KLHL24: variants seen among roughly 807,000 people sequenced by gnomAD.
KLHL24 encodes kelch-like protein 24.
A neutral mutation model predicts 53.4 loss-of-function variants in KLHL24; 29 were observed. The observed-to-expected ratio is 0.54, with a 90% confidence interval of 0.40 to 0.74. KLHL24 has a LOEUF of 0.74. KLHL24 is among the 30% of genes least tolerant of loss of function. The pLI, the probability that KLHL24 is intolerant of heterozygous loss-of-function variation, is 0.00. For synonymous variants in KLHL24, 222 were observed against 253.7 expected (o/e 0.88, Z 1.19); for missense variants, 504 against 744.0 (o/e 0.68, Z 3.75).
In KLHL24 at chr3:183,684,434, A is replaced by G. The variant is rs1372242871; in HGVS notation, c.*5148A>G. 2 of 152,606 alleles carry G rather than the reference A, an allele frequency of 1.3e-5. No individual in the cohort carries two copies. The highest frequency in any genetic ancestry group is 2.9e-5 in the Non-Finnish European group (2 of 68,020). 9.5% of individuals were successfully genotyped at this position (152,606 alleles called of 1,614,324 possible). On this transcript the variant is annotated 3_prime_UTR_variant, in exon 8 of 8. Transcript: ENST00000242810. The stretch of plus-strand genomic sequence containing the variant: ...TTTAAATATACTTCTTGCATAGTTT[A>G]ATTTTTTAAAAGTTGTATCTAATAA...
intron 5 of KLHL24, among the ~76,000 whole-genome samples, chr3:183,666,863 C>T (rs1253876556): frequency 2.0e-5 from 3 of 152,280 alleles, no homozygotes; most frequent in Middle Eastern, 3.4e-3. Flanking sequence ...TCCCTGCCCC[C>T]ATCTCCATCT....
chr3:183,653,044 C>G (rs1160194889), intron 3 of KLHL24, among the ~76,000 whole-genome samples: 1 of 152,188 alleles, frequency 6.6e-6, no homozygotes, highest in Admixed American at 6.5e-5. Flanking sequence ...AGAGATACTT[C>G]TCCTAACTTA....
At chr3:183,641,554 C>A (rs534698580) in intron 1 of KLHL24, among the ~76,000 whole-genome samples, 1 of 136,728 alleles carries the variant, frequency 7.3e-6, no homozygotes, top group East Asian at 2.3e-4. Context: ...ATATATCTTT[C>A]AAGATAAACC....
chr3:183,666,886 C>T (rs9844222), intron 5 of KLHL24, among the ~76,000 whole-genome samples: 48,257 of 151,918 alleles, frequency 0.32, 8,185 homozygotes, highest in East Asian at 0.48. Flanking sequence ...TTGTCCAAAA[C>T]CACCTCAAAT....
intron 1 of KLHL24, among the ~76,000 whole-genome samples, chr3:183,642,377 G>A (rs1209642619): frequency 6.6e-6 from 1 of 151,654 alleles, no homozygotes; most frequent in Non-Finnish European, 1.5e-5. Flanking sequence ...ACACAGTCTG[G>A]GTATACATAT....
intron 7 of KLHL24, among the ~76,000 whole-genome samples, chr3:183,675,846 G>A (rs578193982): frequency 6.9e-4 from 105 of 152,096 alleles, no homozygotes; most frequent in African/African-American, 2.3e-3. Context: ...TGTATAAAAC[G>A]ATAACAGTTT....
chr3:183,664,540 A>C (rs1309283899), intron 4 of KLHL24, among the ~76,000 whole-genome samples: 1 of 152,020 alleles, frequency 6.6e-6, no homozygotes, highest in African/African-American at 2.4e-5. Context: ...TACATACTTT[A>C]TTTTTTACAA....
intron 5 of KLHL24, among the ~76,000 whole-genome samples, chr3:183,665,778 C>T (rs909697431): frequency 6.6e-6 from 1 of 151,868 alleles, no homozygotes; most frequent in Non-Finnish European, 1.5e-5. Context: ...TAAAAAAACT[C>T]ACATTTTTAA....
intron 7 of KLHL24, among the ~76,000 whole-genome samples, chr3:183,678,226 T>G (rs889214730): frequency 6.6e-6 from 1 of 152,270 alleles, no homozygotes; most frequent in Non-Finnish European, 1.5e-5. Context: ...AAGATGTTAT[T>G]TGAGACATTT....
In KLHL24 at chr3:183,664,960, C is replaced by T; in HGVS notation, c.1145C>T (p.Ser382Leu). ...INSRDVWIYN[S>L]QLNIWIRVAS... ...AGCCGTGATGTCTGGATTTATAACT[C>T]ACAGTTAAATATTTGGATCAGAGTT... The change falls in exon 5 of 8, where the codon TCA (serine) becomes TTA (leucine). Residue 382 changes from serine to leucine, a missense_variant. Transcript: ENST00000242810. 6.2e-7 allele frequency: 1 copy of T among 1,611,864 alleles called. No homozygotes were observed. Among genetic ancestry groups the T allele is most frequent in the Non-Finnish European group, 8.5e-7 (1 of 1,178,442 alleles).
chr3:183,638,009 G>A (rs546893555), intron 1 of KLHL24, among the ~76,000 whole-genome samples: 1 of 152,268 alleles, frequency 6.6e-6, no homozygotes, highest in African/African-American at 2.4e-5. Flanking sequence ...GGATGAAGCA[G>A]GAATTGAATA....
intron 3 of KLHL24, among the ~76,000 whole-genome samples, chr3:183,654,300 T>C (rs1416208827): frequency 2.6e-5 from 4 of 152,210 alleles, no homozygotes; most frequent in South Asian, 4.1e-4. Flanking sequence ...GTCTGAAATA[T>C]TATCTGCCTG....
At chr3:183,642,224 A>G (rs951267818) in intron 1 of KLHL24, among the ~76,000 whole-genome samples, 4 of 152,186 alleles carry the variant, frequency 2.6e-5, no homozygotes, top group African/African-American at 7.2e-5. Context: ...CTTATTGTCC[A>G]TTGGGAAGGA....
chr3:183,681,223 T>C lies in KLHL24; in HGVS notation c.*1937T>C, dbSNP rs577106019. 1.2e-4 allele frequency: 19 copies of C among 152,372 alleles called. No individual in the cohort carries two copies. Among genetic ancestry groups the C allele is most frequent in the Non-Finnish European group, 1.9e-4 (13 of 67,922 alleles). The allele number at this position is 152,372 out of a possible 1,614,324, so 9.4% of individuals were successfully genotyped here. ...AGTAAACATCTGCATTATACTCTTATAGATAATAGAATTATTTAGTTAAGA... is the reference window on the plus strand; with the variant it reads ...AGTAAACATCTGCATTATACTCTTACAGATAATAGAATTATTTAGTTAAGA... On this transcript the variant is annotated 3_prime_UTR_variant, in exon 8 of 8. Transcript: ENST00000242810.
chr3:183,679,505 G>C lies in KLHL24; in HGVS notation c.*219G>C. 2.0e-6 allele frequency: 1 copy of C among 509,078 alleles called. No homozygotes were observed. The highest frequency in any genetic ancestry group is 3.5e-6 in the Non-Finnish European group (1 of 286,828). 31.5% of individuals were successfully genotyped at this position (509,078 alleles called of 1,614,324 possible). A position where few individuals can be genotyped will look rare whatever the true frequency, so the allele number is the denominator to read the frequency against. ...TTTTTTGTTAAAGGTAATGGTGGTT[G>C]TTACTTGGCCTTTGAAGAGTGTACC... On this transcript the variant is annotated 3_prime_UTR_variant, in exon 8 of 8. Transcript: ENST00000242810.
chr3:183,677,549 G>T (rs903750292), intron 7 of KLHL24, among the ~76,000 whole-genome samples: 3 of 152,268 alleles, frequency 2.0e-5, no homozygotes, highest in Admixed American at 1.3e-4. Flanking sequence ...AAGCCACCAA[G>T]ATTTAATTTC....
chr3:183,659,452 G>A (rs1719385918), intron 3 of KLHL24, among the ~76,000 whole-genome samples: 1 of 152,192 alleles, frequency 6.6e-6, no homozygotes, highest in Admixed American at 6.5e-5. Flanking sequence ...CAGGAGAATG[G>A]CTTGAACCCG....
At chr3:183,670,358 TG>T in intron 5 of KLHL24, among the ~76,000 whole-genome samples, 1 of 152,338 alleles carries the variant, frequency 6.6e-6, no homozygotes, top group Middle Eastern at 3.4e-3. Context: ...ATGGATTTTT[TG>T]CATATAAGCC....
rs116661336 is a variant in KLHL24 at position 183,637,058 on chromosome 3, T to C, written c.-125+1265T>C. 4.1e-3 allele frequency among the ~76,000 whole-genome samples: 622 copies of C among 152,322 alleles called. 5 individuals are homozygous for C. The highest frequency in any genetic ancestry group is 0.014 in the African/African-American group (589 of 41,580). The stretch of plus-strand genomic sequence containing the variant: ...TGCCAGTTCTGTAAACGTGTTTAGA[T>C]AGCTAAATATAGATCACAGTGCCAC... On this transcript the variant is annotated intron_variant, in intron 1 of 7. Transcript: ENST00000242810.
Sources: allele counts gnomAD v4.1 joint callset (sites outside exome capture counted in the v4.1 genomes callset), GRCh38; gene constraint gnomAD v4.1.1; transcripts MANE v1.5; gene names NCBI Gene and HGNC (gene_info 2026-07-23, HGNC 2026-07-21).